Variants in PLCB1 observed in about 807,000 individuals in gnomAD.
PLCB1 encodes the protein 1-phosphatidylinositol 4,5-bisphosphate phosphodiesterase beta-1.
PLCB1 carries 46 observed loss-of-function variants against 161.8 expected under a neutral mutation model. The ratio of observed to expected loss-of-function variants is 0.28; its 90% CI spans 0.22 to 0.36. PLCB1 has a LOEUF of 0.36. PLCB1 is among the 10% of genes least tolerant of loss of function. The probability of loss-of-function intolerance (pLI) is 1.00; values close to 1 mark genes in which losing one functional copy is unlikely to be tolerated. For missense variants in PLCB1, 1,016 were observed against 1,472.5 expected (o/e 0.69, Z 5.07); for synonymous variants, 517 against 503.7 (o/e 1.03, Z -0.35).
chr20:8,403,614 G>A (rs1978658768), intron 3 of PLCB1, among the ~76,000 whole-genome samples: 1 of 151,990 alleles, frequency 6.6e-6, no homozygotes, highest in South Asian at 2.1e-4. Flanking sequence ...TAGCATGTGA[G>A]CAGGGTGTAG....
intron 3 of PLCB1, among the ~76,000 whole-genome samples, chr20:8,569,460 C>T (rs1208431347): frequency 6.6e-6 from 1 of 151,940 alleles, no homozygotes; most frequent in Admixed American, 6.6e-5. Context: ...ACTGTTGGTA[C>T]TAAGAATATT....
At chr20:8,148,513 A>T (rs2051477496) in intron 1 of PLCB1, among the ~76,000 whole-genome samples, 1 of 152,194 alleles carries the variant, frequency 6.6e-6, no homozygotes, top group Non-Finnish European at 1.5e-5. Context: ...TCCTCAAAAA[A>T]TGAAACATAG....
At chr20:8,287,316 A>G (rs1381139617) in intron 2 of PLCB1, among the ~76,000 whole-genome samples, 3 of 152,294 alleles carry the variant, frequency 2.0e-5, no homozygotes, top group Non-Finnish European at 2.9e-5. Flanking sequence ...TTGATTTTTT[A>G]TATATTTAGC....
chr20:8,287,569 C>T (rs1298952339), intron 2 of PLCB1, among the ~76,000 whole-genome samples: 1 of 152,054 alleles, frequency 6.6e-6, no homozygotes, highest in African/African-American at 2.4e-5. Context: ...TGGGAGGCTG[C>T]CGACAAGGCA....
rs914153230 is a variant in PLCB1, at chr20:8,834,620, G to A, written c.3423+44359G>A. Among the ~76,000 whole-genome samples, 4 of 151,878 alleles carry A rather than the reference G, an allele frequency of 2.6e-5. 1 individual carries two copies. Among genetic ancestry groups the A allele is most frequent in the Admixed American group, 6.6e-5 (1 of 15,260 alleles). ...ACTTGAAGTCAGGAGTTCAAGACTA[G>A]CCTGGCCAACATGGTGAAACCCCAT... On this transcript the variant is annotated intron_variant, in intron 31 of 31. Transcript: ENST00000338037.
chr20:8,373,547 A>G (rs1016291159), intron 3 of PLCB1, among the ~76,000 whole-genome samples: 1 of 152,218 alleles, frequency 6.6e-6, no homozygotes, highest in African/African-American at 2.4e-5. Context: ...AAATGCTGGT[A>G]CCATAAGAAT....
chr20:8,712,892 G>A (rs2123459655), intron 12 of PLCB1, among the ~76,000 whole-genome samples: 1 of 152,116 alleles, frequency 6.6e-6, no homozygotes, highest in African/African-American at 2.4e-5. Context: ...CTCTCACTTT[G>A]TCCCCATGGT....
At chr20:8,659,237 A>C (rs1989557294) in intron 9 of PLCB1, among the ~76,000 whole-genome samples, 1 of 152,174 alleles carries the variant, frequency 6.6e-6, no homozygotes, top group African/African-American at 2.4e-5. Context: ...ACAATCCAAA[A>C]ATTGATAGCC....
At chr20:8,217,045 A>G (rs1350757159) in intron 2 of PLCB1, among the ~76,000 whole-genome samples, 1 of 152,014 alleles carries the variant, frequency 6.6e-6, no homozygotes, top group Non-Finnish European at 1.5e-5. Context: ...TTTCAGTCTG[A>G]CTGTGAGTGG....
chr20:8,464,579 G>A (rs1476165198), intron 3 of PLCB1, among the ~76,000 whole-genome samples: 2 of 152,166 alleles, frequency 1.3e-5, no homozygotes, highest in African/African-American at 2.4e-5. Context: ...CACCCAAGCA[G>A]GCATAGGCCA....
intron 14 of PLCB1, among the ~76,000 whole-genome samples, chr20:8,720,354 G>A (rs1003051030): frequency 6.6e-6 from 1 of 152,184 alleles, no homozygotes; most frequent in Non-Finnish European, 1.5e-5. Flanking sequence ...TCCTAAGCTA[G>A]CCCTGTTGTC....
intron 31 of PLCB1, among the ~76,000 whole-genome samples, chr20:8,867,390 T>A (rs1006373206): frequency 2.0e-5 from 3 of 152,240 alleles, no homozygotes; most frequent in African/African-American, 7.2e-5. Context: ...CTATTGACCT[T>A]GCTTCTAATG....
At chr20:8,832,540 T>A (rs1464413822) in intron 31 of PLCB1, among the ~76,000 whole-genome samples, 2 of 152,220 alleles carry the variant, frequency 1.3e-5, no homozygotes, top group African/African-American at 2.4e-5. Context: ...GCTTAAGAGA[T>A]GACCTTGATA....
chr20:8,307,014 C>T (rs1379712396), intron 2 of PLCB1, among the ~76,000 whole-genome samples: 1 of 152,232 alleles, frequency 6.6e-6, no homozygotes, highest in Non-Finnish European at 1.5e-5. Context: ...ACTTCAGGAA[C>T]ACAATGGAAG....
chr20:8,209,200 TG>T (rs1978687663), intron 2 of PLCB1, among the ~76,000 whole-genome samples: 1 of 146,256 alleles, frequency 6.8e-6, no homozygotes, highest in Non-Finnish European at 1.5e-5. Flanking sequence ...AACTGTTTTT[TG>T]TTTTTTTTTT....
intron 23 of PLCB1, among the ~76,000 whole-genome samples, chr20:8,744,616 T>TAAATAAAATAAAATAAAATAAAATTA (rs1981058967): frequency 1.6e-5 from 2 of 121,222 alleles, no homozygotes; most frequent in African/African-American, 3.2e-5. Context: ...AAAAATAAAA[T>TAAATAAAATAAAATAAAATAAAATTA]AAATAAAATA....
At chr20:8,782,086 TA>T (rs1217660864) in intron 27 of PLCB1, among the ~76,000 whole-genome samples, 7 of 150,634 alleles carry the variant, frequency 4.6e-5, no homozygotes, top group African/African-American at 1.8e-4. Context: ...GAGACTCAAA[TA>T]AGCAGCTATT....
At chr20:8,196,872 A>T (rs1242818850) in intron 2 of PLCB1, among the ~76,000 whole-genome samples, 2 of 151,472 alleles carry the variant, frequency 1.3e-5, no homozygotes, top group Non-Finnish European at 2.9e-5. Context: ...CCTGTGTCCA[A>T]GTGTTCTCAT....
chr20:8,317,203 G>A (rs1324155834), intron 2 of PLCB1, among the ~76,000 whole-genome samples: 1 of 152,032 alleles, frequency 6.6e-6, no homozygotes, highest in Non-Finnish European at 1.5e-5. Flanking sequence ...AAGGTTTTGT[G>A]GATAATAGAA....
Sources: gnomAD v4.1 joint callset for allele counts (sites outside exome capture counted in the v4.1 genomes callset) on GRCh38, gnomAD v4.1.1 for gene constraint, MANE v1.5 for transcripts, NCBI Gene and HGNC (gene_info 2026-07-23, HGNC 2026-07-21) for gene names.